Variants in PDE1A observed in about 807,000 individuals in gnomAD.
PDE1A encodes the protein phosphodiesterase 1A, also known as dual specificity calcium/calmodulin-dependent 3',5'-cyclic nucleotide phosphodiesterase 1A.
A neutral mutation model predicts 61.7 loss-of-function variants in PDE1A; 35 were observed. The observed-to-expected ratio is 0.57, with a 90% CI of 0.43 to 0.75. The LOEUF is 0.75. PDE1A is among the 30% of genes least tolerant of loss of function. PDE1A has a pLI of 0.00. For synonymous variants in PDE1A, 232 were observed against 213.2 expected, an observed-to-expected ratio of 1.09 and a Z score of -0.77; for missense variants, 597 against 630.6, an observed-to-expected ratio of 0.95 and a Z score of 0.57.
chr2:182,709,665 AAAATG>A, the PDE1A span, among the ~76,000 whole-genome samples: 262 of 152,350 alleles, frequency 1.7e-3, 2 homozygotes, highest in African/African-American at 6.0e-3. Context: ...TGAAACTGAA[AAAATG>A]AAATGAAATG....
intron 7 of PDE1A, among the ~76,000 whole-genome samples, chr2:182,210,294 C>T (rs1051768577): frequency 7.2e-5 from 11 of 152,154 alleles, no homozygotes; most frequent in African/African-American, 2.7e-4. Flanking sequence ...TCCATTCTCA[C>T]CAGCTTTTGG....
At chr2:182,234,649 T>C in intron 3 of PDE1A, 151 bp from the exon 4 acceptor site, 1 of 585,310 alleles carries the variant, frequency 1.7e-6, no homozygotes, top group Non-Finnish European at 3.1e-6. Flanking sequence ...ATAACTATAG[T>C]CACCTTTTTA....
the PDE1A span, among the ~76,000 whole-genome samples, chr2:182,544,189 T>C: frequency 3.7e-4 from 56 of 152,296 alleles, no homozygotes; most frequent in African/African-American, 1.3e-3. Context: ...AAGCAATTAA[T>C]GACCTGACCA....
chr2:182,266,727 C>T (rs565052487), intron 1 of PDE1A, among the ~76,000 whole-genome samples: 1 of 152,112 alleles, frequency 6.6e-6, no homozygotes, highest in Admixed American at 6.6e-5. Flanking sequence ...TTGGAGAGAG[C>T]TAACTGTACC....
chr2:182,621,414 C>A, the PDE1A span, among the ~76,000 whole-genome samples: 2 of 152,082 alleles, frequency 1.3e-5, no homozygotes, highest in Non-Finnish European at 2.9e-5. Context: ...AGGGGCTGAG[C>A]CTTTTGGAAA....
chr2:182,272,105 G>C (rs1031764090), intron 1 of PDE1A, among the ~76,000 whole-genome samples: 5 of 152,104 alleles, frequency 3.3e-5, no homozygotes, highest in African/African-American at 1.2e-4. Context: ...AAAAACATTA[G>C]AGAGCCGGTT....
intron 2 of PDE1A, among the ~76,000 whole-genome samples, chr2:182,498,470 A>G (rs1209518000): frequency 6.6e-6 from 1 of 152,108 alleles, no homozygotes; most frequent in Non-Finnish European, 1.5e-5. Flanking sequence ...AGAAAAAAAT[A>G]TAAGAAAATT....
chr2:182,188,748 T>A (rs1301055132), intron 11 of PDE1A, among the ~76,000 whole-genome samples: 1 of 152,172 alleles, frequency 6.6e-6, no homozygotes, highest in Non-Finnish European at 1.5e-5. Flanking sequence ...TGTAAAAGGA[T>A]TACAACCACG....
the PDE1A span, among the ~76,000 whole-genome samples, chr2:182,644,619 A>T: frequency 6.6e-6 from 1 of 152,140 alleles, no homozygotes; most frequent in African/African-American, 2.4e-5. Context: ...CAAAGTTACT[A>T]ATACTGTGAC....
chr2:182,478,110 A>C (rs759455423), intron 2 of PDE1A, among the ~76,000 whole-genome samples: 3 of 151,968 alleles, frequency 2.0e-5, no homozygotes, highest in Non-Finnish European at 4.4e-5. Flanking sequence ...ACCAACGTGA[A>C]AACGATCCAT....
the PDE1A span, among the ~76,000 whole-genome samples, chr2:182,703,882 G>A: frequency 6.6e-6 from 1 of 152,174 alleles, no homozygotes; most frequent in South Asian, 2.1e-4. Flanking sequence ...ACAGGAATGT[G>A]AAATTATAGG....
intron 10 of PDE1A, among the ~76,000 whole-genome samples, chr2:182,197,131 TATG>T (rs1340253490): frequency 1.3e-5 from 2 of 151,916 alleles, no homozygotes; most frequent in African/African-American, 4.8e-5. Context: ...CATGGGGCTA[TATG>T]ATATTTCATT....
At chr2:182,573,855 A>G in the PDE1A span, among the ~76,000 whole-genome samples, 1 of 144,370 alleles carries the variant, frequency 6.9e-6, no homozygotes, top group Non-Finnish European at 1.5e-5. Context: ...ATATTTATAT[A>G]TTTATATATA....
chr2:182,416,758 C>A (rs1030486205), intron 1 of PDE1A, among the ~76,000 whole-genome samples: 3 of 152,146 alleles, frequency 2.0e-5, no homozygotes, highest in African/African-American at 7.2e-5. Flanking sequence ...ACACTACTTT[C>A]TGGGGATATT....
chr2:182,258,919 T>C (rs1312958309), intron 2 of PDE1A, among the ~76,000 whole-genome samples: 2 of 152,232 alleles, frequency 1.3e-5, no homozygotes, highest in Admixed American at 1.3e-4. Context: ...TTTGTTCTTG[T>C]GCCTAGGTTT....
chr2:182,470,556 A>G lies in PDE1A; in HGVS notation c.101+51720T>C, dbSNP rs547729164. Among the ~76,000 whole-genome samples, 161 of 152,022 alleles carry G rather than the reference A, an allele frequency of 1.1e-3. 1 individual carries two copies. The highest frequency in any genetic ancestry group is 3.6e-3 in the African/African-American group (150 of 41,546). On this transcript the variant is annotated intron_variant, in intron 2 of 14. Coordinates refer to the PDE1A transcript ENST00000410103. Reference sequence around the variant, plus strand: ...AATAGGAAATTTCAATAAAGATATGATAACACTGTGAAGTCAGTAAATACA... The same window carrying G: ...AATAGGAAATTTCAATAAAGATATGGTAACACTGTGAAGTCAGTAAATACA...
At chr2:182,583,216 A>T in the PDE1A span, among the ~76,000 whole-genome samples, 2 of 152,190 alleles carry the variant, frequency 1.3e-5, no homozygotes, top group African/African-American at 4.8e-5. Flanking sequence ...ACACTATATG[A>T]TTCAGCTATT....
the PDE1A span, among the ~76,000 whole-genome samples, chr2:182,537,795 T>C: frequency 6.6e-6 from 1 of 151,940 alleles, no homozygotes; most frequent in African/African-American, 2.4e-5. Context: ...GTGTTGCTGG[T>C]AGGAAGTAAT....
At chr2:182,673,090 C>T in the PDE1A span, among the ~76,000 whole-genome samples, 1 of 152,194 alleles carries the variant, frequency 6.6e-6, no homozygotes, top group South Asian at 2.1e-4. Flanking sequence ...AGGGTCCTCA[C>T]ATGTTTTTGT....
Sources: allele counts gnomAD v4.1 joint callset (sites outside exome capture counted in the v4.1 genomes callset), GRCh38; gene constraint gnomAD v4.1.1; transcripts MANE v1.5; gene names NCBI Gene and HGNC (gene_info 2026-07-23, HGNC 2026-07-21).